Variants in TKFC observed in about 807,000 individuals in gnomAD.
TKFC encodes triokinase and FMN cyclase.
A neutral mutation model predicts 61.0 loss-of-function variants in TKFC; 46 were observed. That is an observed-to-expected ratio of 0.75 (90% CI 0.60 to 0.96). TKFC has a LOEUF of 0.96. Ranked by LOEUF, TKFC falls within the 50% of genes least tolerant of loss-of-function variation. The pLI, the probability that TKFC is intolerant of heterozygous loss-of-function variation, is 0.00. For missense variants in TKFC, 715 were observed against 777.5 expected, an observed-to-expected ratio of 0.92 and a Z score of 0.96; for synonymous variants, 314 against 330.1, an observed-to-expected ratio of 0.95 and a Z score of 0.53.
In TKFC at chr11:61,345,574, G is replaced by C. The variant is rs536335100; in HGVS notation, c.1451+9G>C. 3 of 1,612,774 alleles carry C rather than the reference G, an allele frequency of 1.9e-6. No homozygotes were observed. In the African/African-American group the frequency reaches 4.0e-5, roughly 21 times the overall value. On this transcript the variant is annotated intron_variant, in intron 15 of 17. Coordinates refer to ENST00000394900, the MANE Select transcript of TKFC (RefSeq NM_015533.4). ...CTGGAAGCCATGCAGAAGTGAGCCA[G>C]AGCCCTGTGCATCAGACCAGGGGTG...
chr11:61,339,485 C>G, intron 5 of TKFC, 50 bp downstream of exon 5: 1 of 1,545,752 alleles, frequency 6.5e-7, no homozygotes, highest in Non-Finnish European at 8.7e-7. Flanking sequence ...TCCAGCCTTC[C>G]CTTGCCTGGC....
chr11:61,334,989 G>A (rs1026869026), intron 2 of TKFC, among the ~76,000 whole-genome samples: 3 of 152,146 alleles, frequency 2.0e-5, no homozygotes, highest in African/African-American at 7.2e-5. Context: ...CCTTATCTGG[G>A]TCTTGCATTC....
In TKFC at chr11:61,340,762, G is replaced by C. The variant is rs574932610; in HGVS notation, c.487-674G>C. ...CTGTGGCCTGGAAAATTCTTTCCTTGTCCAGCCTCCTTTTGGCCTGGCTAA... is the reference window on the plus strand; with the variant it reads ...CTGTGGCCTGGAAAATTCTTTCCTTCTCCAGCCTCCTTTTGGCCTGGCTAA... On this transcript the variant is annotated intron_variant, in intron 5 of 17. Coordinates refer to ENST00000394900, the MANE Select transcript of TKFC (RefSeq NM_015533.4). Among the ~76,000 whole-genome samples, 6 of 152,202 alleles carry C rather than the reference G, an allele frequency of 3.9e-5. No homozygotes were observed. The East Asian group carries it at 9.6e-4, about 24-fold the overall frequency.
Position 61,347,201 on chromosome 11 carries a change from C to T in TKFC, c.*698C>T. On this transcript the variant is annotated 3_prime_UTR_variant, in exon 18 of 18. Transcript: ENST00000394900. Reference sequence around the variant, plus strand: ...GGAGTCGAATGGGCATTTGGGACACCAGAAGGAAAAGAAATCATCATAGTC... The same window carrying T: ...GGAGTCGAATGGGCATTTGGGACACTAGAAGGAAAAGAAATCATCATAGTC... The T allele has an allele frequency of 5.1e-6, 5 of 985,318 alleles. No homozygotes were observed. Among genetic ancestry groups the T allele is most frequent in the Non-Finnish European group, 6.0e-6 (5 of 829,932 alleles). 61.0% of individuals were successfully genotyped at this position (985,318 alleles called of 1,614,324 possible).
intron 7 of TKFC, 120 bp downstream of exon 7, chr11:61,342,032 C>A: frequency 9.9e-7 from 1 of 1,012,002 alleles, no homozygotes; most frequent in Non-Finnish European, 1.4e-6. Context: ...GTATTTTTAC[C>A]TGGTCATTTG....
At chr11:61,349,800 A>C, downstream of TKFC, 11 of 611,552 alleles carry the variant, frequency 1.8e-5, no homozygotes, top group East Asian at 5.7e-5. Context: ...CCCACCTCAC[A>C]TCCAGATGGG....
intron 10 of TKFC, 108 bp downstream of exon 10, chr11:61,342,952 A>G (rs1856935101): frequency 8.7e-7 from 1 of 1,150,776 alleles, no homozygotes; most frequent in Non-Finnish European, 1.3e-6. Flanking sequence ...CCTGAGTTAA[A>G]TCGTCTCTCT....
chr11:61,341,390 C>G (rs1442107593), intron 5 of TKFC, 46 bp from the exon 6 acceptor site: 1 of 1,543,680 alleles, frequency 6.5e-7, no homozygotes, highest in South Asian at 1.2e-5. Flanking sequence ...CCACATGGTA[C>G]AGTGATACCC....
At chr11:61,337,894 A>G in intron 2 of TKFC, 47 bp from the exon 3 acceptor site, 2 of 1,539,798 alleles carry the variant, frequency 1.3e-6, no homozygotes, top group Non-Finnish European at 1.8e-6. Flanking sequence ...GGATGGGGGT[A>G]TCTGTACTGA....
downstream of TKFC, chr11:61,352,746 G>T: frequency 7.9e-7 from 1 of 1,261,196 alleles, no homozygotes. Flanking sequence ...TAAATGTAAG[G>T]TGCTTAGTAC....
Position 61,347,321 on chromosome 11 carries a change from C to T in TKFC, c.*818C>T, listed in dbSNP as rs1791810822. ...CTTTGGGAGGCCAAGGCAGGCGGAT[C>T]CCTTACACTCAGGAGTTCAAGACCA... On this transcript the variant is annotated 3_prime_UTR_variant, in exon 18 of 18. Coordinates refer to ENST00000394900, the MANE Select transcript of TKFC (RefSeq NM_015533.4). 2.1e-6 allele frequency: 2 copies of T among 961,478 alleles called. No individual in the cohort carries two copies. The highest frequency in any genetic ancestry group is 2.5e-6 in the Non-Finnish European group (2 of 808,318). The allele number at this position is 961,478 out of a possible 1,614,324, so 59.6% of individuals were successfully genotyped here.
chr11:61,338,101 G>A lies in TKFC; in HGVS notation c.164G>A (p.Gly55Glu), dbSNP rs1290066664. The change falls in exon 3 of 18, where the codon GGG (glycine) becomes GAG (glutamate). Residue 55 changes from glycine to glutamate, a missense_variant. Coordinates refer to ENST00000394900, the MANE Select transcript of TKFC (RefSeq NM_015533.4). ...LKGRVALLSG[G>E]GSGHEPAHAG... ...GGCCGGGTGGCACTGCTGTCGGGTG[G>A]GGGCTCTGGCCATGAGCCTGCCCAT... The A allele has an allele frequency of 1.2e-5, 19 of 1,605,572 alleles. No individual in the cohort carries two copies. The highest frequency in any genetic ancestry group is 2.2e-5 in the East Asian group (1 of 44,774).
Position 61,348,349 on chromosome 11 carries a change from C to CATCAA in TKFC, c.*1847_*1848insTCAAA, listed in dbSNP as rs55822663. On this transcript the variant is annotated 3_prime_UTR_variant, in exon 18 of 18. Coordinates refer to ENST00000394900, the MANE Select transcript of TKFC (RefSeq NM_015533.4). ...ATCCACACATGCCATTCCATGAAGA[C>CATCAA]AGAGGATCATGTGGATCTTTGGTGC... The CATCAA allele has an allele frequency of 0.95, 938,170 of 985,044 alleles. 456,749 individuals carry two copies. The highest frequency in any genetic ancestry group is 0.99 in the Non-Finnish European group (823,751 of 829,838). 61.0% of individuals were successfully genotyped at this position (985,044 alleles called of 1,614,324 possible). A position where few individuals can be genotyped will look rare whatever the true frequency, so the allele number is the denominator to read the frequency against.
At chr11:61,350,373 G>A (rs752356292), downstream of TKFC, 5 of 1,606,178 alleles carry the variant, frequency 3.1e-6, no homozygotes, top group Non-Finnish European at 4.2e-6. Context: ...ACCACCAGGA[G>A]CTCTTGGGAG....
chr11:61,333,436 C>G (rs981943146), intron 1 of TKFC, 107 bp downstream of exon 1: 2 of 153,768 alleles, frequency 1.3e-5, no homozygotes, highest in Admixed American at 6.5e-5. Context: ...AGCCCTCGGG[C>G]TGTTCCTCCT....
At chr11:61,350,914 G>C (rs1565065297), downstream of TKFC, 2 of 1,517,418 alleles carry the variant, frequency 1.3e-6, no homozygotes, top group Non-Finnish European at 1.8e-6. Flanking sequence ...TTCTTGTCAA[G>C]GCCCCAGCCT....
downstream of TKFC, chr11:61,351,278 C>A (rs1213585585): frequency 1.2e-6 from 1 of 842,310 alleles, no homozygotes; most frequent in Non-Finnish European, 1.7e-6. Flanking sequence ...AATTTTAACA[C>A]CCTTTCTTTT....
chr11:61,341,536 G>A, intron 6 of TKFC, 22 bp downstream of exon 6: 3 of 1,552,836 alleles, frequency 1.9e-6, no homozygotes, highest in Non-Finnish European at 2.6e-6. Context: ...CCTGGGAGCT[G>A]GGGAAGAGAG....
At position 61,342,635 on chromosome 11, in the gene TKFC, C is replaced by T. The variant is rs756338140; in HGVS notation, c.752C>T (p.Ala251Val). The T allele has an allele frequency of 2.9e-5, 47 of 1,613,984 alleles. No individual in the cohort carries two copies. Among genetic ancestry groups the T allele is most frequent in the Non-Finnish European group, 3.8e-5 (45 of 1,180,050 alleles). ...MLDHMTNTTN[A>V]SHVPVQPGSS... The stretch of plus-strand genomic sequence containing the variant: ...GACCACATGACAAACACCACCAACG[C>T]GTCCCATGTGCCTGTGCAGCCCGGT... The change falls in exon 9 of 18, where the codon GCG becomes GTG. Residue 251 changes from alanine to valine, a missense_variant. By Grantham distance (64) the Ala-to-Val change is moderately conservative. Coordinates refer to ENST00000394900, the MANE Select transcript of TKFC (RefSeq NM_015533.4).
Sources: gnomAD v4.1 joint callset for allele counts (sites outside exome capture counted in the v4.1 genomes callset) on GRCh38, gnomAD v4.1.1 for gene constraint, MANE v1.5 for transcripts, NCBI Gene and HGNC (gene_info 2026-07-23, HGNC 2026-07-21) for gene names.